Variants in CARF observed in about 807,000 individuals in gnomAD.
CARF encodes the protein calcium-responsive transcription factor.
A neutral mutation model predicts 82.0 loss-of-function variants in CARF; 57 were observed. The ratio of observed to expected loss-of-function variants is 0.70; its 90% CI spans 0.56 to 0.87. CARF has a LOEUF of 0.87. CARF is among the 40% of genes least tolerant of loss of function. The pLI, the probability that CARF is intolerant of heterozygous loss-of-function variation, is 0.00. For synonymous variants in CARF, 268 were observed against 290.1 expected (o/e 0.92, Z 0.77); for missense variants, 771 against 855.8 (o/e 0.90, Z 1.24).
chr2:202,986,026 C>A lies in CARF; in HGVS notation c.*2402C>A, dbSNP rs2060417493. 6.6e-6 allele frequency: 1 copy of A among 151,994 alleles called. No homozygotes were observed. The highest frequency in any genetic ancestry group is 2.4e-5 in the African/African-American group (1 of 41,422). 9.4% of individuals were successfully genotyped at this position (151,994 alleles called of 1,614,324 possible). ...AGTTACAGAGCAACTTTCCCACAAA[C>A]AAACCAATAAAACAAAACCCCACAA... is the stretch of plus-strand genomic sequence containing the variant. On this transcript the variant is annotated 3_prime_UTR_variant, in exon 17 of 17. Transcript: ENST00000438828.
chr2:202,942,691 TAA>T, intron 4 of CARF, 47 bp from the exon 5 acceptor site: 1 of 1,370,450 alleles, frequency 7.3e-7, no homozygotes, highest in Non-Finnish European at 9.9e-7. Context: ...TACACATCTT[TAA>T]AAAAAATGGT....
In CARF at chr2:202,952,758, C is replaced by A. The variant is rs138725428; in HGVS notation, c.427+79C>A. ...TTTAGAAAAATCACCTTATGAAAGT[C>A]AGTGCTAAAGTTGATTTCTTTAGGT... is the stretch of plus-strand genomic sequence containing the variant. On this transcript the variant is annotated intron_variant, in intron 6 of 16. Transcript: ENST00000438828. 1.1e-3 allele frequency: 1,588 copies of A among 1,416,040 alleles called. 18 individuals are homozygous for A. The African/African-American group carries it at 0.02, about 18-fold the overall frequency. 87.7% of individuals were successfully genotyped at this position (1,416,040 alleles called of 1,614,324 possible). A position where few individuals can be genotyped will look rare whatever the true frequency, so the allele number is the denominator to read the frequency against.
intron 12 of CARF, chr2:202,973,508 T>C (rs748153198): frequency 4.7e-6 from 2 of 423,720 alleles, no homozygotes; most frequent in South Asian, 3.5e-5. Flanking sequence ...TAATATTAAT[T>C]GATACTTTTG....
At position 202,986,553 on chromosome 2, in the gene CARF, G is replaced by C. The variant is rs1283124596; in HGVS notation, c.*2929G>C. 2 of 151,922 alleles carry C rather than the reference G, an allele frequency of 1.3e-5. No individual in the cohort carries two copies. The highest frequency in any genetic ancestry group is 4.8e-5 in the African/African-American group (2 of 41,376). 9.4% of individuals were successfully genotyped at this position (151,922 alleles called of 1,614,324 possible). A position where few individuals can be genotyped will look rare whatever the true frequency, so the allele number is the denominator to read the frequency against. On this transcript the variant is annotated 3_prime_UTR_variant, in exon 17 of 17. Coordinates refer to ENST00000438828, the MANE Select transcript of CARF (RefSeq NM_024744.17). Reference sequence around the variant, plus strand: ...CCAAGTGAACTTTATATATACTACAGTGAATTATAGATAAATACAGCCATG... The same window carrying C: ...CCAAGTGAACTTTATATATACTACACTGAATTATAGATAAATACAGCCATG...
chr2:202,969,194 T>A (rs2059675931), intron 10 of CARF, among the ~76,000 whole-genome samples: 2 of 151,854 alleles, frequency 1.3e-5, no homozygotes. Context: ...TGGGGGAGGC[T>A]GAGGCAGGAG....
chr2:202,943,629 C>T (rs1265549039), intron 5 of CARF, among the ~76,000 whole-genome samples: 5 of 117,780 alleles, frequency 4.2e-5, no homozygotes, highest in African/African-American at 1.4e-4. Flanking sequence ...CACACACACA[C>T]ATATTAGGCT....
intron 9 of CARF, among the ~76,000 whole-genome samples, chr2:202,963,466 C>T (rs1341073482): frequency 6.6e-6 from 1 of 152,108 alleles, no homozygotes; most frequent in Non-Finnish European, 1.5e-5. Flanking sequence ...ATTCTATAGA[C>T]CAGCAGTCCC....
chr2:202,962,015 C>T (rs879275839), intron 9 of CARF: 2 of 152,354 alleles, frequency 1.3e-5, no homozygotes, highest in African/African-American at 4.8e-5. Context: ...TAAAACTAAG[C>T]GATTTATTTT....
At chr2:202,920,415 A>G (rs1174387070) in intron 2 of CARF, among the ~76,000 whole-genome samples, 2 of 152,182 alleles carry the variant, frequency 1.3e-5, no homozygotes, top group Non-Finnish European at 2.9e-5. Flanking sequence ...TCGGCCTCCC[A>G]AAGTGCTGGG....
chr2:202,967,013 C>T lies in CARF; in HGVS notation c.868C>T (p.Pro290Ser), dbSNP rs781415395. 1 of 1,613,722 alleles carries T rather than the reference C, an allele frequency of 6.2e-7. No homozygotes were observed. The highest frequency in any genetic ancestry group is 1.1e-5 in the South Asian group (1 of 91,054). Residue 290 changes from proline to serine, a missense_variant, in exon 10 of 17, where the codon CCA (proline) becomes TCA (serine). Pro to Ser is a moderately conservative substitution (Grantham distance 74, BLOSUM62 -1). Transcript: ENST00000438828. The part of the protein sequence containing the change: ...RAVVMECQYG[P>S]RRKGFQLKKV... Reference sequence around the variant, plus strand: ...TGTGGTAATGGAGTGTCAGTATGGGCCAAGAAGAAAAGGTTTCCAGTTAAA... The same window carrying T: ...TGTGGTAATGGAGTGTCAGTATGGGTCAAGAAGAAAAGGTTTCCAGTTAAA...
intron 7 of CARF, among the ~76,000 whole-genome samples, chr2:202,955,184 C>T (rs889387998): frequency 6.6e-6 from 1 of 152,010 alleles, no homozygotes; most frequent in Non-Finnish European, 1.5e-5. Flanking sequence ...GAAATATGTA[C>T]ATGGCTTATG....
At position 202,981,626 on chromosome 2, in the gene CARF, C is replaced by T. The variant is rs773527326; in HGVS notation, c.1630C>T (p.Pro544Ser). The T allele has an allele frequency of 1.4e-5, 22 of 1,611,734 alleles. No homozygotes were observed. The highest frequency in any genetic ancestry group is 5.0e-5 in the Admixed American group (3 of 59,988). Residue 544 changes from proline to serine, a missense_variant, in exon 15 of 17, where the codon CCA (proline) becomes TCA (serine). Physicochemically the swap from Pro to Ser is moderately conservative, Grantham distance 74. Coordinates refer to ENST00000438828, the MANE Select transcript of CARF (RefSeq NM_024744.17). ...GACCAGGGGTTCTTTGTCTCCTGAG[C>T]CAACCCACTTGCTCTCCTCACTCTC... ...NQTRGSLSPE[P>S]THLLSSLSSF...
intron 3 of CARF, among the ~76,000 whole-genome samples, chr2:202,931,177 G>A (rs1692875560): frequency 6.6e-6 from 1 of 151,666 alleles, no homozygotes. Flanking sequence ...TCTCCATGTT[G>A]GCCAGGCTGG....
At chr2:202,939,225 A>T (rs1444006619) in intron 3 of CARF, among the ~76,000 whole-genome samples, 2 of 152,180 alleles carry the variant, frequency 1.3e-5, no homozygotes, top group Non-Finnish European at 2.9e-5. Context: ...TCAAATACAG[A>T]TGATCCCTGA....
In CARF at chr2:202,942,786, A is replaced by G. The variant is rs747959867; in HGVS notation, c.125A>G (p.Asp42Gly). Residue 42 changes from aspartate (D) to glycine (G), a missense_variant, in exon 5 of 17, where the codon GAT becomes GGT. Transcript: ENST00000438828. ...AGGGATTCTTCCTTTGGACAAAATGATTCTCCTACAGTTTTGCCCATCACT... is the reference window on the plus strand; with the variant it reads ...AGGGATTCTTCCTTTGGACAAAATGGTTCTCCTACAGTTTTGCCCATCACT... ...DSRDSSFGQN[D>G]SPTVLPITTR... is the part of the protein sequence containing the mutation. The G allele has an allele frequency of 8.1e-6, 13 of 1,613,960 alleles. No individual in the cohort carries two copies. In the East Asian group the frequency reaches 2.5e-4, roughly 30 times the overall value.
rs202179884 is a variant in CARF, at chr2:202,942,805, C to G, written c.144C>G (p.Pro48=). 3.2e-5 allele frequency: 52 copies of G among 1,613,938 alleles called. No homozygotes were observed. In the African/African-American group the frequency reaches 6.4e-4, roughly 20 times the overall value. Residue 48 remains proline, a synonymous_variant, in exon 5 of 17, where the codon CCC becomes CCG. Transcript: ENST00000438828. ...FGQNDSPTVL[P]ITTREANNSL... ...AAAATGATTCTCCTACAGTTTTGCC[C>G]ATCACTACTCGTGAAGCAAATAATT... is the stretch of plus-strand genomic sequence containing the variant.
chr2:202,925,549 C>T (rs760631884), intron 3 of CARF: 1 of 230,414 alleles, frequency 4.3e-6, no homozygotes, highest in Non-Finnish European at 8.8e-6. Context: ...CAAGAATGAC[C>T]TGCGTCACAT....
At chr2:202,979,472 G>A (rs146784291) in intron 14 of CARF, among the ~76,000 whole-genome samples, 1 of 152,208 alleles carries the variant, frequency 6.6e-6, no homozygotes, top group East Asian at 1.9e-4. Context: ...GGACTCTTAA[G>A]CTGATTTTAC....
intron 1 of CARF, among the ~76,000 whole-genome samples, chr2:202,917,210 CAAAAAAAAAAAAA>C (rs71034203): frequency 1.1e-4 from 5 of 47,010 alleles, no homozygotes; most frequent in African/African-American, 4.1e-4. Flanking sequence ...GACTCCGTCT[CAAAAAAAAAAAAA>C]AAAAAAAAAA....
Sources: gnomAD v4.1 joint callset for allele counts (sites outside exome capture counted in the v4.1 genomes callset) on GRCh38, gnomAD v4.1.1 for gene constraint, MANE v1.5 for transcripts, NCBI Gene and HGNC (gene_info 2026-07-23, HGNC 2026-07-21) for gene names.